Variants in PHF2 observed in about 807,000 individuals in gnomAD.
The protein encoded by PHF2 is lysine-specific demethylase PHF2.
A neutral mutation model predicts 120.5 loss-of-function variants in PHF2; 27 were observed. The ratio of observed to expected loss-of-function variants is 0.22; its 90% confidence interval spans 0.17 to 0.31. The LOEUF (loss-of-function observed/expected upper bound fraction) is 0.31. Among genes scored for constraint, PHF2 ranks in the 10% least tolerant of loss-of-function variants. The probability of loss-of-function intolerance (pLI) is 1.00; values close to 1 mark genes in which losing one functional copy is unlikely to be tolerated. For missense variants in PHF2, 1,024 were observed against 1,434.8 expected (o/e 0.71, Z 4.63); for synonymous variants, 568 against 592.5 (o/e 0.96, Z 0.60).
intron 1 of PHF2, among the ~76,000 whole-genome samples, chr9:93,620,776 T>C (rs997697903): frequency 1.3e-5 from 2 of 152,242 alleles, no homozygotes; most frequent in Admixed American, 6.5e-5. Context: ...ATATTTTCCA[T>C]TTTTCTGTAG....
At chr9:93,591,646 C>A (rs1466311227) in intron 1 of PHF2, among the ~76,000 whole-genome samples, 1 of 152,200 alleles carries the variant, frequency 6.6e-6, no homozygotes, top group Non-Finnish European at 1.5e-5. Context: ...CAGCTTCGAT[C>A]CTAGGAAGAC....
At chr9:93,607,932 G>A (rs1489239969) in intron 1 of PHF2, among the ~76,000 whole-genome samples, 1 of 104,482 alleles carries the variant, frequency 9.6e-6, no homozygotes, top group Non-Finnish European at 2.1e-5. Flanking sequence ...GAGAGAGAGG[G>A]AAAGAGATGA....
intron 1 of PHF2, among the ~76,000 whole-genome samples, chr9:93,594,175 C>T (rs1454537054): frequency 3.5e-5 from 4 of 112,822 alleles, no homozygotes. Flanking sequence ...CACACCCCCT[C>T]TTCTCATGTG....
At chr9:93,660,077 G>A in intron 11 of PHF2, 115 bp from the exon 12 acceptor site, 1 of 1,322,850 alleles carries the variant, frequency 7.6e-7, no homozygotes, top group Non-Finnish European at 1.0e-6. Flanking sequence ...GCCTTTCTGG[G>A]CTGATAGTTC....
chr9:93,645,639 G>T lies in PHF2; in HGVS notation c.310G>T (p.Val104Leu). Residue 104 changes from valine to leucine, a missense_variant, in exon 4 of 22, where the codon GTG becomes TTG. Coordinates refer to ENST00000359246, the MANE Select transcript of PHF2 (RefSeq NM_005392.4). ...RSRTFPSAED[V>L]VARVPGSQLT... The stretch of plus-strand genomic sequence containing the variant: ...TGTGCTTCCCTGCAGTGCTGAAGAC[G>T]TGGTGGCCCGTGTGCCAGGAAGTCA... The T allele has an allele frequency of 6.3e-7, 1 of 1,599,888 alleles. No individual in the cohort carries two copies. The highest frequency in any genetic ancestry group is 8.5e-7 in the Non-Finnish European group (1 of 1,171,592).
chr9:93,612,042 T>C (rs1825644785), intron 1 of PHF2, among the ~76,000 whole-genome samples: 2 of 152,200 alleles, frequency 1.3e-5, no homozygotes, highest in Non-Finnish European at 2.9e-5. Context: ...TCCTTCAATC[T>C]TCCACACACA....
At chr9:93,586,047 C>T in intron 1 of PHF2, among the ~76,000 whole-genome samples, 1 of 152,198 alleles carries the variant, frequency 6.6e-6, no homozygotes, top group East Asian at 1.9e-4. Flanking sequence ...GCCTGGAGTC[C>T]TGAGACACTT....
In PHF2 at chr9:93,656,123, G is replaced by A. The variant is rs1252434102; in HGVS notation, c.1040+102G>A. The A allele has an allele frequency of 2.0e-5, 18 of 898,892 alleles. No homozygotes were observed. Among genetic ancestry groups the A allele is most frequent in the African/African-American group, 6.6e-5 (4 of 60,756 alleles). 55.7% of individuals were successfully genotyped at this position (898,892 alleles called of 1,614,324 possible). A position where few individuals can be genotyped will look rare whatever the true frequency, so the allele number is the denominator to read the frequency against. On this transcript the variant is annotated intron_variant, in intron 8 of 21. Transcript: ENST00000359246. The surrounding 1 kb of genome is among the most constrained non-coding windows in gnomAD (Gnocchi z 4.1). ...CTTGGGCTGAGTCCTGGCACAGCCC[G>A]CCTGTGGGTGGCCTGGACATGACCG... is the stretch of plus-strand genomic sequence containing the variant.
chr9:93,589,308 CTG>C (rs1201002164), intron 1 of PHF2, among the ~76,000 whole-genome samples: 3 of 151,614 alleles, frequency 2.0e-5, no homozygotes, highest in African/African-American at 2.4e-5. Context: ...TGTAGGGAAA[CTG>C]TGTGTGTGGT....
At chr9:93,636,241 C>T (rs563481259) in intron 2 of PHF2, among the ~76,000 whole-genome samples, 170 bp from the exon 3 acceptor site, 1 of 152,162 alleles carries the variant, frequency 6.6e-6, no homozygotes, top group Admixed American at 6.5e-5. Context: ...GTTGACTCCT[C>T]CCTATGTGCA....
At chr9:93,625,592 C>T (rs1434421686) in intron 1 of PHF2, among the ~76,000 whole-genome samples, 1 of 150,606 alleles carries the variant, frequency 6.6e-6, no homozygotes, top group African/African-American at 2.5e-5. Flanking sequence ...ATTCTCATGC[C>T]TCAGCCTCCT....
At chr9:93,662,533 CGGATGGAT>C (rs138382841) in intron 12 of PHF2, among the ~76,000 whole-genome samples, 2,293 of 111,928 alleles carry the variant, frequency 0.02, 48 homozygotes, top group African/African-American at 0.064. Flanking sequence ...GATGGGTGGG[CGGATGGAT>C]GGATGGATGG....
chr9:93,606,607 A>C (rs1825547641), intron 1 of PHF2, among the ~76,000 whole-genome samples: 1 of 152,192 alleles, frequency 6.6e-6, no homozygotes, highest in South Asian at 2.1e-4. Context: ...CAGTCCTTTA[A>C]CAGAACATAT....
At chr9:93,625,879 CAGTGCT>C (rs926870938) in intron 1 of PHF2, among the ~76,000 whole-genome samples, 1 of 152,082 alleles carries the variant, frequency 6.6e-6, no homozygotes, top group African/African-American at 2.4e-5. Flanking sequence ...TTTTTCCCCA[CAGTGCT>C]TGCGTTTCTA....
rs1826333521 is a variant in PHF2 at position 93,649,863 on chromosome 9, C to A, written c.602+651C>A. Among the ~76,000 whole-genome samples, 5 of 152,090 alleles carry A rather than the reference C, an allele frequency of 3.3e-5. No homozygotes were observed. In the South Asian group the frequency reaches 1.0e-3, roughly 32 times the overall value. On this transcript the variant is annotated intron_variant, in intron 5 of 21. Transcript: ENST00000359246. ...CACCAACGTGTGGTGCAGTCACACT[C>A]ATGGACACACTTGTCAACACACTCG... is the stretch of plus-strand genomic sequence containing the variant.
At chr9:93,616,508 C>A (rs1443152878) in intron 1 of PHF2, among the ~76,000 whole-genome samples, 1 of 152,166 alleles carries the variant, frequency 6.6e-6, no homozygotes, top group African/African-American at 2.4e-5. Flanking sequence ...GTGCCTGACA[C>A]CAACTGAGCT....
intron 1 of PHF2, among the ~76,000 whole-genome samples, chr9:93,582,680 T>G (rs1252502637): frequency 1.3e-5 from 2 of 152,196 alleles, no homozygotes; most frequent in Non-Finnish European, 2.9e-5. Flanking sequence ...GAAGAACATA[T>G]GAACATATTT....
chr9:93,651,200 G>A (rs972619609), intron 5 of PHF2, among the ~76,000 whole-genome samples: 1 of 151,994 alleles, frequency 6.6e-6, no homozygotes, highest in African/African-American at 2.4e-5. Context: ...AGAGAAAGTG[G>A]TATGTATTGC....
intron 1 of PHF2, among the ~76,000 whole-genome samples, chr9:93,621,558 G>A (rs1468294767): frequency 2.0e-5 from 3 of 152,216 alleles, no homozygotes; most frequent in South Asian, 2.1e-4. Flanking sequence ...AGGGCAGAGC[G>A]TCCTAAAGTG....
Sources: allele counts gnomAD v4.1 joint callset (sites outside exome capture counted in the v4.1 genomes callset), GRCh38; gene constraint gnomAD v4.1.1; non-coding constraint Gnocchi (gnomAD v3.1); transcripts MANE v1.5; gene names NCBI Gene and HGNC (gene_info 2026-07-23, HGNC 2026-07-21).